Variants in PRKD2 observed in about 807,000 individuals in gnomAD.
The protein encoded by PRKD2 is serine/threonine-protein kinase D2.
Under a neutral mutation model 86.0 loss-of-function variants are expected in PRKD2, and 22 were observed. The observed-to-expected ratio is 0.26, with a 90% CI of 0.18 to 0.37. PRKD2 has a LOEUF of 0.37. Ranked by LOEUF, PRKD2 falls within the 10% of genes least tolerant of loss-of-function variation. PRKD2 has a pLI of 1.00. For missense variants in PRKD2, 818 were observed against 1,199.2 expected (o/e 0.68, Z 4.70); for synonymous variants, 509 against 510.9 (o/e 1.00, Z 0.05).
chr19:46,699,918 TA>T (rs56355930), intron 7 of PRKD2, among the ~76,000 whole-genome samples: 40,298 of 107,218 alleles, frequency 0.38, 7,680 homozygotes, highest in African/African-American at 0.54. Context: ...CCCCCTATCT[TA>T]AAAAAAAAAA....
Position 46,678,323 on chromosome 19 carries a change from C to T in PRKD2, c.2338+73G>A, listed in dbSNP as rs2053242479. On this transcript the variant is annotated intron_variant, in intron 16 of 17. Coordinates refer to ENST00000291281, the MANE Select transcript of PRKD2 (RefSeq NM_016457.5). This position sits in a 1 kb window ranked among gnomAD's most constrained non-coding sequence, Gnocchi z 5.7. ...AGGCTGTTTCCGGGTCCACCCCCCT[C>T]TCATGGCTCCGCCCACTTCTCCAGC... The T allele has an allele frequency of 1.3e-6, 2 of 1,555,594 alleles. No individual in the cohort carries two copies. The highest frequency in any genetic ancestry group is 1.4e-5 in the African/African-American group (1 of 73,802).
intron 3 of PRKD2, among the ~76,000 whole-genome samples, chr19:46,707,187 T>C (rs2053726221): frequency 6.6e-6 from 1 of 152,054 alleles, no homozygotes; most frequent in Non-Finnish European, 1.5e-5. Flanking sequence ...CCACCGTGCC[T>C]GGCCCAGAAT....
chr19:46,703,771 CAA>C (rs1185254793), intron 5 of PRKD2, among the ~76,000 whole-genome samples: 7 of 114,526 alleles, frequency 6.1e-5, no homozygotes, highest in Non-Finnish European at 7.4e-5. Context: ...GACTCCGTCT[CAA>C]AAAAAAAAAA....
At chr19:46,703,555 A>G (rs2053664447) in intron 5 of PRKD2, among the ~76,000 whole-genome samples, 1 of 151,988 alleles carries the variant, frequency 6.6e-6, no homozygotes, top group Non-Finnish European at 1.5e-5. Flanking sequence ...GTGGATCACA[A>G]GGTCAGGAGA....
At chr19:46,682,099 A>G (rs1266714345) in intron 14 of PRKD2, among the ~76,000 whole-genome samples, 1 of 149,278 alleles carries the variant, frequency 6.7e-6, no homozygotes, top group African/African-American at 2.5e-5. Context: ...CTCTACCTCC[A>G]GGGCTCAAGT....
At chr19:46,687,412 C>CAGGCACAG (rs2053417620) in intron 14 of PRKD2, among the ~76,000 whole-genome samples, 1 of 151,894 alleles carries the variant, frequency 6.6e-6, no homozygotes, top group African/African-American at 2.4e-5. Context: ...ACAAAAAGCA[C>CAGGCACAG]AGGCACACAA....
rs569161498 is a variant in PRKD2, at chr19:46,711,672, C to T, written c.380-634G>A. On this transcript the variant is annotated intron_variant, in intron 2 of 17. Coordinates refer to ENST00000291281, the MANE Select transcript of PRKD2 (RefSeq NM_016457.5). Reference sequence around the variant, plus strand: ...TCTCTCAAAGTGTTGGGATTACAGGCGTGAGCCACTGCACCCGGCCTAAAA... The same window carrying T: ...TCTCTCAAAGTGTTGGGATTACAGGTGTGAGCCACTGCACCCGGCCTAAAA... Among the ~76,000 whole-genome samples the T allele has an allele frequency of 1.1e-4, 17 of 152,176 alleles. No individual in the cohort carries two copies. The South Asian group carries it at 3.3e-3, about 30-fold the overall frequency.
intron 3 of PRKD2, chr19:46,710,557 A>G (rs1302010823): frequency 1.8e-5 from 4 of 227,992 alleles, no homozygotes; most frequent in Non-Finnish European, 3.5e-5. Context: ...ATCTCAATAT[A>G]TATCTCCTCC....
intron 5 of PRKD2, 40 bp downstream of exon 5, chr19:46,704,129 G>A: frequency 6.2e-7 from 1 of 1,611,500 alleles, no homozygotes; most frequent in Non-Finnish European, 8.5e-7. Flanking sequence ...CGGGAAGGAG[G>A]TTCTGACCCT....
chr19:46,675,483 G>A (rs938301612), intron 16 of PRKD2, among the ~76,000 whole-genome samples: 7 of 151,664 alleles, frequency 4.6e-5, no homozygotes, highest in East Asian at 1.9e-4. Context: ...TCGCTCTGTC[G>A]CCCAGGCTGG....
intron 3 of PRKD2, among the ~76,000 whole-genome samples, chr19:46,709,926 TCTCA>T (rs781102291): frequency 6.6e-6 from 1 of 151,910 alleles, no homozygotes; most frequent in Non-Finnish European, 1.5e-5. Context: ...TCAGAAGGAG[TCTCA>T]CTCTATCACC....
rs1240051755 is a variant in PRKD2 at position 46,678,513 on chromosome 19, T to C, written c.2221A>G (p.Met741Val). ...SLDMWSVGVI[M>V]YVSLSGTFPF... ...AAGGTGCCGCTGAGGCTGACGTACA[T>C]GATCACGCCCACTGACCACATGTCC... The change falls in exon 16 of 18, where the codon ATG (methionine) becomes GTG (valine). Residue 741 changes from methionine to valine, a missense_variant. Around this residue, in one of 5 missense-constraint regions of PRKD2, gnomAD observed 154 missense variants for 359.6 expected, o/e 0.43. Transcript: ENST00000291281. This position sits in a 1 kb window ranked among gnomAD's most constrained non-coding sequence, Gnocchi z 5.7. The C allele has an allele frequency of 6.2e-7, 1 of 1,614,202 alleles. No homozygotes were observed. Among genetic ancestry groups the C allele is most frequent in the Non-Finnish European group, 8.5e-7 (1 of 1,180,038 alleles).
intron 15 of PRKD2, among the ~76,000 whole-genome samples, chr19:46,679,279 G>A (rs983838636): frequency 6.6e-6 from 1 of 152,010 alleles, no homozygotes; most frequent in South Asian, 2.1e-4. Flanking sequence ...GCAGTGAGCC[G>A]AGATCGCACC....
chr19:46,674,941 T>C, intron 17 of PRKD2, 92 bp downstream of exon 17: 3 of 1,339,336 alleles, frequency 2.2e-6, no homozygotes, highest in South Asian at 2.6e-5. Flanking sequence ...CAAGGAAACC[T>C]ACATCCTTCA....
Position 46,691,789 on chromosome 19 carries a change from G to A in PRKD2, c.1648C>T (p.Gln550Ter), listed in dbSNP as rs2053487403. 6.2e-7 allele frequency: 1 copy of A among 1,613,834 alleles called. No homozygotes were observed. The highest frequency in any genetic ancestry group is 8.5e-7 in the Non-Finnish European group (1 of 1,180,032). ...QENVDIATVYQIFPDEVLGSG... is the reference protein window; with the variant it reads ...QENVDIATVY ...CCCAGCACTTCGTCAGGGAAGATCT[G>A]GTAGACAGTGGCAATGTCCTACAGG... The change falls in exon 12 of 18, where the codon CAG (glutamine) becomes TAG (stop). Residue 550 changes from glutamine (Q) to a stop codon, truncating the protein, a stop_gained. Transcript: ENST00000291281. LOFTEE classifies it high-confidence loss of function.
In PRKD2 at chr19:46,697,733, C is replaced by G; in HGVS notation, c.1239G>C (p.Leu413=). The change falls in exon 8 of 18, where the codon CTG becomes CTC. Residue 413 remains leucine, a splice_region_variant and synonymous_variant. Coordinates refer to ENST00000291281, the MANE Select transcript of PRKD2 (RefSeq NM_016457.5). ...ACCCGGCCCCGCCCCGGCCACTCAC[C>G]AGCGTGTCCTTGTTGCTGTAATGAA... ...WVVHYSNKDT[L]RKRHYWRLDC... is the part of the protein sequence containing the mutation. 1 of 1,612,136 alleles carries G rather than the reference C, an allele frequency of 6.2e-7. No homozygotes were observed. The highest frequency in any genetic ancestry group is 1.7e-4 in the Middle Eastern group (1 of 6,054).
At chr19:46,683,154 G>T (rs1009037026) in intron 14 of PRKD2, among the ~76,000 whole-genome samples, 3 of 144,576 alleles carry the variant, frequency 2.1e-5, no homozygotes, top group Non-Finnish European at 4.5e-5. Flanking sequence ...CCACCATGTC[G>T]GGCTTTGATT....
rs314671 is a variant in PRKD2, at chr19:46,690,593, T to C, written c.1809+7A>G. The C allele has an allele frequency of 0.74, 1,193,058 of 1,613,310 alleles. 443,848 individuals are homozygous for C. The highest frequency in any genetic ancestry group is 0.91 in the African/African-American group (68,559 of 75,020). ...GAAGCAGAAAGGGAAGGCGGCCTGG[T>C]GGTTACCTGCAGAATGGCCACTTCA... On this transcript the variant is annotated splice_region_variant and intron_variant, in intron 13 of 17. Coordinates refer to ENST00000291281, the MANE Select transcript of PRKD2 (RefSeq NM_016457.5).
intron 3 of PRKD2, among the ~76,000 whole-genome samples, chr19:46,704,921 A>T: frequency 8.2e-6 from 1 of 122,462 alleles, no homozygotes; most frequent in Admixed American, 9.7e-5. Flanking sequence ...CCCTTTTCTC[A>T]CTCCAACAAG....
Sources: gnomAD v4.1 joint callset for allele counts (sites outside exome capture counted in the v4.1 genomes callset) on GRCh38, gnomAD v4.1.1 for gene constraint, gnomAD v4.1.1 regional missense constraint, Gnocchi (gnomAD v3.1) non-coding constraint, MANE v1.5 for transcripts, NCBI Gene and HGNC (gene_info 2026-07-23, HGNC 2026-07-21) for gene names.